Variants in SASH1 observed in about 807,000 individuals in gnomAD.
The protein encoded by SASH1 is SAM and SH3 domain containing 1.
Under a neutral mutation model 125.2 loss-of-function variants are expected in SASH1, and 44 were observed. The observed-to-expected ratio is 0.35, with a 90% CI of 0.28 to 0.45. SASH1 has a LOEUF of 0.45. SASH1 is among the 20% of genes least tolerant of loss of function. SASH1 has a pLI of 1.00. For synonymous variants in SASH1, 639 were observed against 649.1 expected, an observed-to-expected ratio of 0.98 and a Z score of 0.24; for missense variants, 1,426 against 1,614.5, an observed-to-expected ratio of 0.88 and a Z score of 2.00.
chr6:148,352,781 C>T (rs968418456), intron 1 of SASH1, among the ~76,000 whole-genome samples: 1 of 151,876 alleles, frequency 6.6e-6, no homozygotes, highest in Non-Finnish European at 1.5e-5. Context: ...CCGGCCTGGC[C>T]AACATGGCGA....
At chr6:148,289,861 G>GTTTTTT (rs144013796) in intron 1 of SASH1, among the ~76,000 whole-genome samples, 116 of 85,880 alleles carry the variant, frequency 1.4e-3, no homozygotes, top group Admixed American at 2.0e-3. Context: ...TTTTGGTTGT[G>GTTTTTT]TTTTTTTTTT....
At chr6:148,513,264 G>C in intron 8 of SASH1, 2 of 985,396 alleles carry the variant, frequency 2.0e-6, no homozygotes, top group Non-Finnish European at 1.2e-6. Context: ...ACTGTTCCAT[G>C]AACTGGGTTG....
At chr6:148,449,078 C>CTTTTTCTTTTTTTTTTTTCTTTTT in intron 4 of SASH1, among the ~76,000 whole-genome samples, 3 of 88,736 alleles carry the variant, frequency 3.4e-5, no homozygotes, top group African/African-American at 1.3e-4. Flanking sequence ...CATTTCATTT[C>CTTTTTCTTTTTTTTTTTTCTTTTT]TTTTTTTTTT....
chr6:148,407,988 A>G (rs1784446603), intron 2 of SASH1, among the ~76,000 whole-genome samples: 1 of 152,142 alleles, frequency 6.6e-6, no homozygotes, highest in Non-Finnish European at 1.5e-5. Context: ...CATTCCTACC[A>G]GCAGGGAGGG....
intron 2 of SASH1, among the ~76,000 whole-genome samples, chr6:148,437,058 GCTATT>G (rs1776321705): frequency 6.6e-6 from 1 of 152,128 alleles, no homozygotes; most frequent in South Asian, 2.1e-4. Flanking sequence ...TAAACCATCA[GCTATT>G]CTCTGAATAA....
chr6:148,523,401 G>T (rs1486217284), intron 10 of SASH1, among the ~76,000 whole-genome samples: 1 of 152,222 alleles, frequency 6.6e-6, no homozygotes, highest in Non-Finnish European at 1.5e-5. Flanking sequence ...TGCTTACCCA[G>T]TTAGGTGATT....
chr6:148,226,006 G>C, the SASH1 span, among the ~76,000 whole-genome samples: 1 of 152,128 alleles, frequency 6.6e-6, no homozygotes, highest in Admixed American at 6.5e-5. Context: ...CTGTAGTTTA[G>C]AAGAAAAGAC....
At chr6:148,418,732 C>T (rs1784924852) in intron 2 of SASH1, among the ~76,000 whole-genome samples, 1 of 152,202 alleles carries the variant, frequency 6.6e-6, no homozygotes, top group South Asian at 2.1e-4. Flanking sequence ...AGTCTGAGTA[C>T]AGATAGCGTG....
chr6:148,323,063 CG>C (rs1780695434), intron 1 of SASH1, among the ~76,000 whole-genome samples: 1 of 150,126 alleles, frequency 6.7e-6, no homozygotes, highest in East Asian at 2.0e-4. Context: ...GTTCTAGCTC[CG>C]TCACCCAGGA....
upstream of SASH1, among the ~76,000 whole-genome samples, chr6:148,267,615 T>A (rs1043188759): frequency 1.3e-5 from 2 of 152,108 alleles, no homozygotes; most frequent in African/African-American, 4.8e-5. Context: ...CCTGACCTCA[T>A]GATCTGCCTG....
chr6:148,508,991 C>T, intron 8 of SASH1: 1 of 552,864 alleles, frequency 1.8e-6, no homozygotes, highest in South Asian at 1.5e-5. Flanking sequence ...TCTTAAATTC[C>T]TCTAGATTTG....
At chr6:148,257,788 G>A in the SASH1 span, among the ~76,000 whole-genome samples, 2 of 151,878 alleles carry the variant, frequency 1.3e-5, no homozygotes, top group Admixed American at 6.6e-5. Context: ...GTGCCACCAC[G>A]CCCAGCTAAT....
At chr6:148,310,680 C>A (rs1201427137) in intron 1 of SASH1, among the ~76,000 whole-genome samples, 3 of 151,942 alleles carry the variant, frequency 2.0e-5, no homozygotes, top group African/African-American at 7.3e-5. Context: ...TCTCAAAACT[C>A]AATAACAAGA....
At chr6:148,251,497 C>G in the SASH1 span, among the ~76,000 whole-genome samples, 1 of 152,002 alleles carries the variant, frequency 6.6e-6, no homozygotes, top group Admixed American at 6.6e-5. Flanking sequence ...CTTTAGTGCC[C>G]CTTGCTGGTC....
intron 1 of SASH1, among the ~76,000 whole-genome samples, chr6:148,369,302 T>G (rs1782616101): frequency 6.6e-6 from 1 of 152,210 alleles, no homozygotes; most frequent in African/African-American, 2.4e-5. Flanking sequence ...CAGACTGTTT[T>G]CATCTGTAGT....
At chr6:148,395,388 A>T (rs1428808083) in intron 2 of SASH1, among the ~76,000 whole-genome samples, 1 of 152,202 alleles carries the variant, frequency 6.6e-6, no homozygotes, top group Non-Finnish European at 1.5e-5. Context: ...AAAGGTTTTG[A>T]TAATTATGTT....
chr6:148,366,343 T>G (rs1361175215), intron 1 of SASH1, among the ~76,000 whole-genome samples: 1 of 151,994 alleles, frequency 6.6e-6, no homozygotes, highest in Non-Finnish European at 1.5e-5. Flanking sequence ...TTAAGAAAGG[T>G]AGACACTGTG....
In SASH1 at chr6:148,282,527, G is replaced by A. The variant is rs192799071; in HGVS notation, n.74+10150G>A. On this transcript the variant is annotated intron_variant and non_coding_transcript_variant, in intron 1 of 3. Transcript: ENST00000367469. The stretch of plus-strand genomic sequence containing the variant: ...CTCCCAAGTAGCTGGGATTACAGGC[G>A]CCTGCCACCACGCCCAGCTAATTTT... 1.6e-3 allele frequency among the ~76,000 whole-genome samples: 245 copies of A among 152,026 alleles called. 1 individual carries two copies. Among genetic ancestry groups the A allele is most frequent in the Admixed American group, 4.7e-3 (71 of 15,258 alleles).
At chr6:148,276,664 C>CTGGG (rs1162547386) in intron 1 of SASH1, among the ~76,000 whole-genome samples, 1 of 152,186 alleles carries the variant, frequency 6.6e-6, no homozygotes, top group African/African-American at 2.4e-5. Flanking sequence ...AACTGCACCA[C>CTGGG]TGGGAAATTG....
Sources: gnomAD v4.1 joint callset for allele counts (sites outside exome capture counted in the v4.1 genomes callset) on GRCh38, gnomAD v4.1.1 for gene constraint, MANE v1.5 for transcripts, NCBI Gene and HGNC (gene_info 2026-07-23, HGNC 2026-07-21) for gene names.